The following ANKMY1 variants were observed in gnomAD, a reference collection of about 807,000 sequenced individuals.
ANKMY1 encodes the protein ankyrin repeat and MYND domain-containing protein 1.
In ANKMY1, 98 loss-of-function variants were observed where a neutral mutation model predicts 102.0. That is an observed-to-expected ratio of 0.96 (90% CI 0.82 to 1.14). ANKMY1 has a LOEUF of 1.14. ANKMY1 is among the 50% of genes most tolerant of loss of function. The probability of loss-of-function intolerance (pLI) is 0.00; values close to 1 mark genes in which losing one functional copy is unlikely to be tolerated. For missense variants in ANKMY1, 1,330 were observed against 1,347.6 expected (o/e 0.99, Z 0.20); for synonymous variants, 582 against 559.9 (o/e 1.04, Z -0.56).
chr2:240,529,111 C>G lies in ANKMY1; in HGVS notation c.879G>C (p.Glu293Asp). The change falls in exon 5 of 18, where the codon GAG (glutamate) becomes GAC (aspartate). Residue 293 changes from glutamate (E) to aspartate (D), a missense_variant. Glu to Asp is a conservative substitution (Grantham distance 45). Transcript: ENST00000401804. The surrounding 1 kb of genome is among the most constrained non-coding windows in gnomAD (Gnocchi z 4.2). ...IFLNEIPPFV[E>D]DGEPWFIINE... ...TGATTATGAACCATGGTTCTCCATCCTCAACGAACGGAGGAATTTCATTGA... is the reference window on the plus strand; with the variant it reads ...TGATTATGAACCATGGTTCTCCATCGTCAACGAACGGAGGAATTTCATTGA... The G allele has an allele frequency of 6.2e-7, 1 of 1,614,202 alleles. No individual in the cohort carries two copies. The highest frequency in any genetic ancestry group is 1.1e-5 in the South Asian group (1 of 91,076).
chr2:240,495,740 T>C (rs2077174331), intron 15 of ANKMY1, among the ~76,000 whole-genome samples: 1 of 152,114 alleles, frequency 6.6e-6, no homozygotes, highest in South Asian at 2.1e-4. Context: ...TATCTTTTTG[T>C]CTTGTGTCTT....
intron 11 of ANKMY1, among the ~76,000 whole-genome samples, chr2:240,509,982 CCT>C (rs749293343): frequency 1.4e-4 from 21 of 149,532 alleles, no homozygotes; most frequent in Non-Finnish European, 2.4e-4. Context: ...TGACTCCTCC[CCT>C]GTCCCTGCCC....
downstream of ANKMY1, among the ~76,000 whole-genome samples, chr2:240,477,044 C>T (rs1488882447): frequency 5.3e-5 from 8 of 152,224 alleles, no homozygotes; most frequent in Non-Finnish European, 1.0e-4. Context: ...GGAGGCCGGG[C>T]GCAGTGGCTC....
At position 240,512,787 on chromosome 2, in the gene ANKMY1, T is replaced by G. The variant is rs1202761544; in HGVS notation, c.2145+15A>C. 5.6e-6 allele frequency: 9 copies of G among 1,609,918 alleles called. No homozygotes were observed. The South Asian group carries it at 9.9e-5, about 18-fold the overall frequency. The stretch of plus-strand genomic sequence containing the variant: ...CCAAGGCCCCATACCCCTATCCAGG[T>G]CGCGAGGTACACACCTTGCCGGGCT... On this transcript the variant is annotated intron_variant, in intron 10 of 17. Coordinates refer to ENST00000401804, the MANE Select transcript of ANKMY1 (RefSeq NM_001282771.3).
intron 15 of ANKMY1, among the ~76,000 whole-genome samples, chr2:240,488,740 T>C (rs2076324390): frequency 6.6e-6 from 1 of 152,224 alleles, no homozygotes; most frequent in Non-Finnish European, 1.5e-5. Context: ...GTAAATGTGA[T>C]TGCCTTCCTG....
rs2081455457 is a variant in ANKMY1, at chr2:240,517,842, TGTGTGGGTA to T, written c.2004+2511_2004+2519del. On this transcript the variant is annotated intron_variant, in intron 9 of 17. Transcript: ENST00000401804. ...AAGGACAATAATTCTTTCTGCACTT[TGTGTGGGTA>T]ATCAGGCCACTGAAGCTTATTTTGC... Among the ~76,000 whole-genome samples the T allele has an allele frequency of 2.0e-5, 3 of 152,172 alleles. No individual in the cohort carries two copies. In the South Asian group the frequency reaches 6.2e-4, roughly 31 times the overall value.
At chr2:240,533,010 C>T (rs543673730) in intron 4 of ANKMY1, among the ~76,000 whole-genome samples, 2 of 152,276 alleles carry the variant, frequency 1.3e-5, no homozygotes, top group South Asian at 4.1e-4. Context: ...ACCTGGGCCC[C>T]TTATATATTT....
chr2:240,493,032 T>C (rs1189296794), intron 15 of ANKMY1, among the ~76,000 whole-genome samples: 2 of 152,076 alleles, frequency 1.3e-5, no homozygotes, highest in African/African-American at 4.8e-5. Flanking sequence ...CTCAAAAGTT[T>C]CTTTTTGGTG....
chr2:240,479,684 G>A, intron 17 of ANKMY1, 29 bp from the exon 18 acceptor site: 1 of 1,609,240 alleles, frequency 6.2e-7, no homozygotes, highest in Non-Finnish European at 8.5e-7. Flanking sequence ...TGGGGGAGGG[G>A]GAAGAGGGGG....
At chr2:240,523,365 G>A (rs2082683970) in intron 8 of ANKMY1, 1 of 159,822 alleles carries the variant, frequency 6.3e-6, no homozygotes, top group African/African-American at 2.4e-5. Context: ...TCAACACAAG[G>A]AGAAGGCTAA....
chr2:240,524,848 C>T (rs1402418311), intron 7 of ANKMY1, among the ~76,000 whole-genome samples: 1 of 152,196 alleles, frequency 6.6e-6, no homozygotes, highest in Non-Finnish European at 1.5e-5. Context: ...CGTTTTATTT[C>T]TGTCACATGG....
intron 8 of ANKMY1, among the ~76,000 whole-genome samples, chr2:240,521,097 T>G (rs1575120573): frequency 6.9e-6 from 1 of 145,626 alleles, no homozygotes. Context: ...TGGGACCAGG[T>G]GGGTGGGGGT....
At chr2:240,553,685 A>C (rs1437178392) in intron 3 of ANKMY1, 2 of 152,902 alleles carry the variant, frequency 1.3e-5, no homozygotes, top group Non-Finnish European at 2.9e-5. Context: ...ATCTAAGGTC[A>C]GGAGTTCAAG....
At position 240,539,277 on chromosome 2, in the gene ANKMY1, GGAGGAACGAACAACTCTGGACCA is replaced by G. The variant is rs899304721; in HGVS notation, c.481-9791_481-9769del. Among the ~76,000 whole-genome samples, 46 of 152,240 alleles carry G rather than the reference GGAGGAACGAACAACTCTGGACCA, an allele frequency of 3.0e-4. No homozygotes were observed. In the East Asian group the frequency reaches 7.5e-3, roughly 25 times the overall value. Reference sequence around the variant, plus strand: ...GGCCAGCGAGACCACAAACCCACTGGGAGGAACGAACAACTCTGGACCAGAGGAACGAACAACTCCGGACCGGA... The same window carrying G: ...GGCCAGCGAGACCACAAACCCACTGGGAGGAACGAACAACTCCGGACCGGA... On this transcript the variant is annotated intron_variant, in intron 4 of 17. Coordinates refer to ENST00000401804, the MANE Select transcript of ANKMY1 (RefSeq NM_001282771.3).
intron 2 of ANKMY1, among the ~76,000 whole-genome samples, chr2:240,556,705 A>G (rs1287740120): frequency 6.6e-6 from 1 of 152,078 alleles, no homozygotes; most frequent in African/African-American, 2.4e-5. Flanking sequence ...TCCCCACTAG[A>G]CTTTGGGCAC....
chr2:240,500,378 G>T, intron 14 of ANKMY1, 74 bp downstream of exon 14: 2 of 1,452,952 alleles, frequency 1.4e-6, no homozygotes, highest in Non-Finnish European at 9.5e-7. Context: ...CCCCAGAGAA[G>T]CTAATGCCCC....
At chr2:240,518,475 C>T (rs574810676) in intron 9 of ANKMY1, among the ~76,000 whole-genome samples, 1 of 152,300 alleles carries the variant, frequency 6.6e-6, no homozygotes, top group South Asian at 2.1e-4. Context: ...GGTTTGAGAA[C>T]AATCTCCTGC....
chr2:240,535,677 C>A (rs888361995), intron 4 of ANKMY1, among the ~76,000 whole-genome samples: 1 of 152,162 alleles, frequency 6.6e-6, no homozygotes, highest in Admixed American at 6.5e-5. Context: ...TAGGGTCAAA[C>A]AAAACCCATC....
chr2:240,522,059 CCT>C (rs1491364866), intron 8 of ANKMY1: 1 of 152,182 alleles, frequency 6.6e-6, no homozygotes. Context: ...GCTTTTATTC[CCT>C]TTTTTGGCCC....
Sources: allele counts gnomAD v4.1 joint callset (sites outside exome capture counted in the v4.1 genomes callset), GRCh38; gene constraint gnomAD v4.1.1; non-coding constraint Gnocchi (gnomAD v3.1); transcripts MANE v1.5; gene names NCBI Gene and HGNC (gene_info 2026-07-23, HGNC 2026-07-21).